KIRREL3: variants seen among roughly 807,000 people sequenced by gnomAD.
KIRREL3 encodes kin of IRRE-like protein 3.
A neutral mutation model predicts 89.7 loss-of-function variants in KIRREL3; 36 were observed. That is an observed-to-expected ratio of 0.40 (90% CI 0.31 to 0.53). KIRREL3 has a LOEUF of 0.53. Ranked by LOEUF, KIRREL3 falls within the 20% of genes least tolerant of loss-of-function variation. KIRREL3 has a pLI of 0.49. For synonymous variants in KIRREL3, 445 were observed against 441.4 expected (o/e 1.01, Z -0.10); for missense variants, 864 against 1,056.6 (o/e 0.82, Z 2.53).
chr11:126,617,177 G>A (rs1428836640), intron 1 of KIRREL3, among the ~76,000 whole-genome samples: 4 of 152,240 alleles, frequency 2.6e-5, no homozygotes, highest in Non-Finnish European at 5.9e-5. Context: ...TTGCAGACAG[G>A]ACCCACAGAA....
intron 4 of KIRREL3, among the ~76,000 whole-genome samples, chr11:126,483,445 C>A (rs1166795742): frequency 6.6e-6 from 1 of 152,160 alleles, no homozygotes; most frequent in Non-Finnish European, 1.5e-5. Flanking sequence ...TACTTTTTCT[C>A]CCCTGCAGCA....
intron 1 of KIRREL3, among the ~76,000 whole-genome samples, chr11:126,878,850 C>T (rs946442065): frequency 6.6e-6 from 1 of 152,022 alleles, no homozygotes; most frequent in Non-Finnish European, 1.5e-5. Context: ...TCCGAGAAAC[C>T]AAGTGTCCCC....
At chr11:126,517,651 G>A (rs1043063603) in intron 4 of KIRREL3, among the ~76,000 whole-genome samples, 2 of 152,130 alleles carry the variant, frequency 1.3e-5, no homozygotes, top group African/African-American at 4.8e-5. Flanking sequence ...TCTAAGCCTC[G>A]GTCACTGCGC....
chr11:126,522,224 G>GGAGA lies in KIRREL3; in HGVS notation c.284-764_284-761dup, dbSNP rs766356547. Among the ~76,000 whole-genome samples the GGAGA allele has an allele frequency of 4.6e-5, 7 of 151,886 alleles. No individual in the cohort carries two copies. Among genetic ancestry groups the GGAGA allele is most frequent in the Admixed American group, 4.6e-4 (7 of 15,240 alleles). On this transcript the variant is annotated intron_variant, in intron 3 of 16. Transcript: ENST00000525144. The surrounding 1 kb of genome is among the most constrained non-coding windows in gnomAD (Gnocchi z 6.0). ...GACATGCATTTTGATAAGATAGAGAGGAGAGAGAGAGAGACAGACAGACAG... is the reference window on the plus strand; with the variant it reads ...GACATGCATTTTGATAAGATAGAGAGGAGAGAGAGAGAGAGAGACAGACAGACAG...
Position 126,742,685 on chromosome 11 carries a change from C to T in KIRREL3, c.56-179773G>A, listed in dbSNP as rs1251556798. On this transcript the variant is annotated intron_variant, in intron 1 of 16. Coordinates refer to ENST00000525144, the MANE Select transcript of KIRREL3 (RefSeq NM_032531.4). This position sits in a 1 kb window ranked among gnomAD's most constrained non-coding sequence, Gnocchi z 5.3. ...TGTCTAACTCCGAATTTTATTTTCT[C>T]TCAAATATATATCACCTAGCAGCTA... Among the ~76,000 whole-genome samples, 1 of 152,208 alleles carries T rather than the reference C, an allele frequency of 6.6e-6. No individual in the cohort carries two copies. Among genetic ancestry groups the T allele is most frequent in the Non-Finnish European group, 1.5e-5 (1 of 68,042 alleles).
chr11:126,960,136 T>C (rs1949042328), intron 1 of KIRREL3, among the ~76,000 whole-genome samples: 1 of 151,610 alleles, frequency 6.6e-6, no homozygotes. Flanking sequence ...AGGCAGAGCA[T>C]ATGATAAGAA....
At chr11:126,878,830 G>A (rs1565377355) in intron 1 of KIRREL3, among the ~76,000 whole-genome samples, 1 of 152,130 alleles carries the variant, frequency 6.6e-6, no homozygotes, top group Non-Finnish European at 1.5e-5. Flanking sequence ...TCCCAACTCA[G>A]TGAAATTACT....
rs1946331992 is a variant in KIRREL3, at chr11:126,900,500, TAAAC to T, written c.55+99951_55+99954del. Among the ~76,000 whole-genome samples the T allele has an allele frequency of 6.6e-6, 1 of 152,184 alleles. No homozygotes were observed. The highest frequency in any genetic ancestry group is 6.5e-5 in the Admixed American group (1 of 15,276). On this transcript the variant is annotated intron_variant, in intron 1 of 16. Transcript: ENST00000525144. This position sits in a 1 kb window ranked among gnomAD's most constrained non-coding sequence, Gnocchi z 4.4. ...GCAAAGAGTTAAACAAAAAAGTAAT[TAAAC>T]AATAATTTCTTTGTGAGTGCTGGAC... is the stretch of plus-strand genomic sequence containing the variant.
chr11:126,616,192 C>T (rs1409070054), intron 1 of KIRREL3, among the ~76,000 whole-genome samples: 1 of 152,098 alleles, frequency 6.6e-6, no homozygotes, highest in Non-Finnish European at 1.5e-5. Flanking sequence ...GATGGCGTTG[C>T]CCGTTCATGG....
chr11:126,923,203 TC>T (rs1565423436), intron 1 of KIRREL3, among the ~76,000 whole-genome samples: 342 of 6,542 alleles, frequency 0.052, 93 homozygotes, highest in Non-Finnish European at 0.057. Flanking sequence ...TTCTTCTTCT[TC>T]TTCTTCTTCT....
At position 126,802,610 on chromosome 11, in the gene KIRREL3, C is replaced by T. The variant is rs1221726457; in HGVS notation, c.55+197845G>A. 6.6e-6 allele frequency among the ~76,000 whole-genome samples: 1 copy of T among 152,094 alleles called. No individual in the cohort carries two copies. The highest frequency in any genetic ancestry group is 1.5e-5 in the Non-Finnish European group (1 of 68,018). On this transcript the variant is annotated intron_variant, in intron 1 of 16. Coordinates refer to ENST00000525144, the MANE Select transcript of KIRREL3 (RefSeq NM_032531.4). The surrounding 1 kb of genome is among the most constrained non-coding windows in gnomAD (Gnocchi z 5.2). ...GCATGTGTGTGTGTGAGTGACCCTG[C>T]GATGGGAGGGTGTCCTGTCGGGGGC...
At chr11:126,962,426 G>A (rs1305759729) in intron 1 of KIRREL3, among the ~76,000 whole-genome samples, 1 of 152,214 alleles carries the variant, frequency 6.6e-6, no homozygotes, top group African/African-American at 2.4e-5. Context: ...GGTGGAAGCA[G>A]CAAGAGAAGT....
At position 126,454,730 on chromosome 11, in the gene KIRREL3, C is replaced by T. The variant is rs559893914; in HGVS notation, c.848+1619G>A. Among the ~76,000 whole-genome samples, 3 of 152,092 alleles carry T rather than the reference C, an allele frequency of 2.0e-5. No homozygotes were observed. Among genetic ancestry groups the T allele is most frequent in the Non-Finnish European group, 4.4e-5 (3 of 68,014 alleles). On this transcript the variant is annotated intron_variant, in intron 7 of 16. Coordinates refer to ENST00000525144, the MANE Select transcript of KIRREL3 (RefSeq NM_032531.4). The surrounding 1 kb of genome is among the most constrained non-coding windows in gnomAD (Gnocchi z 5.8). ...AATAGATGCCAGACCACAGCCAAACCAGACTTGCCCCCTGGACCTGGCTGG... is the reference window on the plus strand; with the variant it reads ...AATAGATGCCAGACCACAGCCAAACTAGACTTGCCCCCTGGACCTGGCTGG...
At chr11:126,838,090 G>A (rs563931645) in intron 1 of KIRREL3, among the ~76,000 whole-genome samples, 6 of 152,248 alleles carry the variant, frequency 3.9e-5, no homozygotes, top group African/African-American at 1.4e-4. Flanking sequence ...GACATCATCT[G>A]TCTGAAAGGT....
intron 1 of KIRREL3, among the ~76,000 whole-genome samples, chr11:126,654,198 A>C (rs1368107614): frequency 6.6e-6 from 1 of 152,182 alleles, no homozygotes; most frequent in Non-Finnish European, 1.5e-5. Flanking sequence ...GTGGCGGGGA[A>C]GACCTCCACT....
intron 1 of KIRREL3, among the ~76,000 whole-genome samples, chr11:126,882,128 T>C (rs1178620336): frequency 6.6e-6 from 1 of 152,160 alleles, no homozygotes; most frequent in African/African-American, 2.4e-5. Flanking sequence ...CTGGAAACTT[T>C]GTTCACCCTG....
At position 126,668,706 on chromosome 11, in the gene KIRREL3, T is replaced by TTTCC; in HGVS notation, c.56-105795_56-105794insGGAA. ...GGAAGTTTCTGTTTTTCTTTCTTTC[T>TTTCC]TTCTTTCTTTCTTTCTTTCTTTCTT... On this transcript the variant is annotated intron_variant, in intron 1 of 16. Coordinates refer to ENST00000525144, the MANE Select transcript of KIRREL3 (RefSeq NM_032531.4). This position sits in a 1 kb window ranked among gnomAD's most constrained non-coding sequence, Gnocchi z 4.4. Among the ~76,000 whole-genome samples, 1 of 75,514 alleles carries TTTCC rather than the reference T, an allele frequency of 1.3e-5. No homozygotes were observed. Among genetic ancestry groups the TTTCC allele is most frequent in the Non-Finnish European group, 3.2e-5 (1 of 31,638 alleles). The allele number at this position is 75,514 out of a possible 152,430, so 49.5% of individuals were successfully genotyped here. A position where few individuals can be genotyped will look rare whatever the true frequency, so the allele number is the denominator to read the frequency against.
At chr11:126,984,666 A>G (rs556551232) in intron 1 of KIRREL3, among the ~76,000 whole-genome samples, 5 of 152,298 alleles carry the variant, frequency 3.3e-5, no homozygotes, top group African/African-American at 9.6e-5. Context: ...CCCTTGTGCC[A>G]TAGTTGGAAT....
rs1957288637 is a variant in KIRREL3, at chr11:126,484,063, C to T, written c.434-10597G>A. 6.6e-6 allele frequency among the ~76,000 whole-genome samples: 1 copy of T among 152,282 alleles called. No individual in the cohort carries two copies. Among genetic ancestry groups the T allele is most frequent in the East Asian group, 1.9e-4 (1 of 5,182 alleles). On this transcript the variant is annotated intron_variant, in intron 4 of 16. Coordinates refer to ENST00000525144, the MANE Select transcript of KIRREL3 (RefSeq NM_032531.4). The surrounding 1 kb of genome is among the most constrained non-coding windows in gnomAD (Gnocchi z 5.2). ...GGCTGTGAGCTCCTTGAGGGCTGGT[C>T]CTTGCCAAATTCTCTCTCTAGTACT...
Sources: allele counts gnomAD v4.1 joint callset (sites outside exome capture counted in the v4.1 genomes callset), GRCh38; gene constraint gnomAD v4.1.1; non-coding constraint Gnocchi (gnomAD v3.1); transcripts MANE v1.5; gene names NCBI Gene and HGNC (gene_info 2026-07-23, HGNC 2026-07-21).